SAMD12: variants seen among roughly 807,000 people sequenced by gnomAD.
The protein encoded by SAMD12 is sterile alpha motif domain-containing protein 12.
Under a neutral mutation model 15.0 loss-of-function variants are expected in SAMD12, and 9 were observed. That is an observed-to-expected ratio of 0.60 (90% CI 0.36 to 1.05). The LOEUF (loss-of-function observed/expected upper bound fraction) is 1.05, where lower values mean the gene tolerates loss of function less well. Ranked by LOEUF, SAMD12 falls within the 50% of genes least tolerant of loss-of-function variation. SAMD12 has a pLI of 0.01. For synonymous variants in SAMD12, 86 were observed against 90.1 expected (o/e 0.96, Z 0.25); for missense variants, 230 against 234.2 (o/e 0.98, Z 0.12).
Position 118,286,168 on chromosome 8 carries a change from G to A in SAMD12, c.434-88436C>T, listed in dbSNP as rs192377136. Among the ~76,000 whole-genome samples the A allele has an allele frequency of 7.7e-3, 1,111 of 144,406 alleles. 4 individuals are homozygous for A. The highest frequency in any genetic ancestry group is 0.013 in the Non-Finnish European group (872 of 65,766). The allele number at this position is 144,406 out of a possible 152,430, so 94.7% of individuals were successfully genotyped here. On this transcript the variant is annotated intron_variant, in intron 4 of 4. Transcript: ENST00000409003. ...GACATCACACACCGGGGCCTGTTGT[G>A]GGGTGAGGGGAGGGGGGAGGGATAG...
intron 3 of SAMD12, among the ~76,000 whole-genome samples, chr8:118,391,706 A>G (rs971194948): frequency 1.3e-5 from 2 of 152,230 alleles, no homozygotes; most frequent in African/African-American, 2.4e-5. Flanking sequence ...AAACTTTTAA[A>G]TGATAAATGT....
chr8:118,575,526 G>C lies in SAMD12; in HGVS notation c.192+5189C>G, dbSNP rs867762191. On this transcript the variant is annotated intron_variant, in intron 2 of 3. Transcript: ENST00000314727. Reference sequence around the variant, plus strand: ...AATTTAGAGCCATTAGACATAGAGAGTTACATCTTCCTCCAGATTATTAGC... The same window carrying C: ...AATTTAGAGCCATTAGACATAGAGACTTACATCTTCCTCCAGATTATTAGC... 3.3e-5 allele frequency among the ~76,000 whole-genome samples: 5 copies of C among 152,270 alleles called. No individual in the cohort carries two copies. The South Asian group carries it at 1.0e-3, about 32-fold the overall frequency.
chr8:118,162,810 G>A, the SAMD12 span, among the ~76,000 whole-genome samples: 1 of 152,164 alleles, frequency 6.6e-6, no homozygotes, highest in Non-Finnish European at 1.5e-5. Context: ...ATGCAGAATT[G>A]AGCATAGCCA....
intron 1 of SAMD12, among the ~76,000 whole-genome samples, chr8:118,584,259 ACTTTG>A (rs1319120311): frequency 1.3e-5 from 2 of 152,270 alleles, no homozygotes; most frequent in East Asian, 1.9e-4. Flanking sequence ...TTTTTGATAG[ACTTTG>A]CTTTGTTTTC....
chr8:118,400,570 C>T (rs1242454570), intron 3 of SAMD12: 1 of 152,158 alleles, frequency 6.6e-6, no homozygotes, highest in African/African-American at 2.4e-5. Context: ...AAGTTACAGA[C>T]AATAAAGTTA....
At chr8:118,550,497 C>G (rs1016794282) in intron 2 of SAMD12, among the ~76,000 whole-genome samples, 14 of 152,314 alleles carry the variant, frequency 9.2e-5, no homozygotes, top group African/African-American at 3.4e-4. Flanking sequence ...TTGTCACCAG[C>G]AGGCCTGCCC....
chr8:118,420,227 G>C (rs1262264209), intron 3 of SAMD12, among the ~76,000 whole-genome samples: 1 of 152,178 alleles, frequency 6.6e-6, no homozygotes, highest in African/African-American at 2.4e-5. Context: ...TTACAACTAA[G>C]GGCTAATTGA....
intron 3 of SAMD12, among the ~76,000 whole-genome samples, chr8:118,433,937 A>T (rs1406950994): frequency 1.3e-5 from 2 of 152,116 alleles, no homozygotes; most frequent in Non-Finnish European, 2.9e-5. Context: ...TAATTATTCT[A>T]CTCCTTTTGA....
chr8:118,212,779 A>G (rs1024172073), intron 4 of SAMD12, among the ~76,000 whole-genome samples: 5 of 152,234 alleles, frequency 3.3e-5, no homozygotes, highest in Non-Finnish European at 7.3e-5. Context: ...AGTAATGAAG[A>G]TATGCACAAT....
intron 3 of SAMD12, among the ~76,000 whole-genome samples, chr8:118,399,341 TG>T (rs1820756241): frequency 6.6e-6 from 1 of 152,134 alleles, no homozygotes; most frequent in Admixed American, 6.5e-5. Flanking sequence ...ATGATTGGTA[TG>T]GACTTCATGT....
chr8:118,326,890 T>C (rs887039244), intron 4 of SAMD12, among the ~76,000 whole-genome samples: 1 of 152,184 alleles, frequency 6.6e-6, no homozygotes, highest in African/African-American at 2.4e-5. Context: ...TATAAATGCT[T>C]ACGTATAATT....
intron 4 of SAMD12, chr8:118,284,958 AAAAAAG>A: frequency 6.6e-6 from 1 of 151,674 alleles, no homozygotes; most frequent in African/African-American, 2.4e-5. Context: ...AAAAAAAAAA[AAAAAAG>A]AAGAAGAAGC....
Position 118,289,383 on chromosome 8 carries a change from AG to A in SAMD12, c.433+90176del, listed in dbSNP as rs147996290. Among the ~76,000 whole-genome samples, 230 of 152,334 alleles carry A rather than the reference AG, an allele frequency of 1.5e-3. 11 individuals carry two copies. The East Asian group carries it at 0.041, about 27-fold the overall frequency. On this transcript the variant is annotated intron_variant, in intron 4 of 4. Transcript: ENST00000409003. ...CTAGATCACACAAATGTCCCCCTGA[AG>A]CAGCCTCAGCATATAGGTTCCTTGG...
intron 2 of SAMD12, among the ~76,000 whole-genome samples, chr8:118,443,537 T>C (rs754067909): frequency 6.6e-6 from 1 of 152,088 alleles, no homozygotes; most frequent in Admixed American, 6.5e-5. Context: ...ACAGACATAA[T>C]AAGTAAAATG....
intron 4 of SAMD12, among the ~76,000 whole-genome samples, chr8:118,281,474 A>G (rs1813647284): frequency 6.6e-6 from 1 of 152,254 alleles, no homozygotes; most frequent in Non-Finnish European, 1.5e-5. Context: ...GAACAGGTAT[A>G]CAATCAATAT....
At chr8:118,473,401 T>G (rs1823861491) in intron 2 of SAMD12, among the ~76,000 whole-genome samples, 1 of 152,196 alleles carries the variant, frequency 6.6e-6, no homozygotes, top group Non-Finnish European at 1.5e-5. Context: ...TGTGCACTCC[T>G]TCTAGACTTA....
At chr8:118,353,634 T>C (rs1426542392) in intron 4 of SAMD12, among the ~76,000 whole-genome samples, 2 of 152,196 alleles carry the variant, frequency 1.3e-5, no homozygotes, top group African/African-American at 4.8e-5. Context: ...AGATTTGTTA[T>C]AGCAGCTGAA....
downstream of SAMD12, among the ~76,000 whole-genome samples, chr8:118,376,556 T>G (rs1287985655): frequency 1.3e-5 from 2 of 152,180 alleles, no homozygotes; most frequent in Admixed American, 1.3e-4. Flanking sequence ...GAAATTTTTG[T>G]TGTTTATAAG....
chr8:118,500,067 C>CTTTTTTTTTTTT lies in SAMD12; in HGVS notation c.193-60118_193-60107dup, dbSNP rs563321387. ...CAGGATACACGCCCCTGAGTTTTGC[C>CTTTTTTTTTTTT]TTTTTTTTTTTTTTTTTTTTTTTTT... On this transcript the variant is annotated intron_variant, in intron 2 of 3. Transcript: ENST00000314727. 1.5e-4 allele frequency among the ~76,000 whole-genome samples: 11 copies of CTTTTTTTTTTTT among 72,566 alleles called. 2 individuals are homozygous for CTTTTTTTTTTTT. Among genetic ancestry groups the CTTTTTTTTTTTT allele is most frequent in the Admixed American group, 4.1e-4 (2 of 4,844 alleles). 47.6% of individuals were successfully genotyped at this position (72,566 alleles called of 152,430 possible).
Sources: gnomAD v4.1 joint callset for allele counts (sites outside exome capture counted in the v4.1 genomes callset) on GRCh38, gnomAD v4.1.1 for gene constraint, MANE v1.5 for transcripts, NCBI Gene and HGNC (gene_info 2026-07-23, HGNC 2026-07-21) for gene names.